The following FSTL4 variants were observed in gnomAD, a reference collection of about 807,000 sequenced individuals.
The protein encoded by FSTL4 is follistatin-related protein 4.
A neutral mutation model predicts 78.2 loss-of-function variants in FSTL4; 28 were observed. The observed-to-expected ratio is 0.36, with a 90% confidence interval of 0.27 to 0.49. The LOEUF (loss-of-function observed/expected upper bound fraction) is 0.49. FSTL4 is among the 20% of genes least tolerant of loss of function. FSTL4 has a pLI of 0.98. For missense variants in FSTL4, 922 were observed against 1,084.9 expected, an observed-to-expected ratio of 0.85 and a Z score of 2.11; for synonymous variants, 422 against 440.5, an observed-to-expected ratio of 0.96 and a Z score of 0.53.
At chr5:133,447,664 C>T (rs1197201843) in intron 3 of FSTL4, among the ~76,000 whole-genome samples, 3 of 152,286 alleles carry the variant, frequency 2.0e-5, no homozygotes, top group South Asian at 4.1e-4. Context: ...CTCAGCCTCC[C>T]AAGTAGCTGG....
chr5:133,381,013 A>C (rs1755554455), intron 4 of FSTL4, among the ~76,000 whole-genome samples: 1 of 152,234 alleles, frequency 6.6e-6, no homozygotes, highest in Non-Finnish European at 1.5e-5. Flanking sequence ...TTTGTCAAAA[A>C]GGGGTTTTAT....
chr5:133,438,819 A>ACT (rs1757089790), intron 3 of FSTL4, among the ~76,000 whole-genome samples: 1 of 152,222 alleles, frequency 6.6e-6, no homozygotes, highest in African/African-American at 2.4e-5. Flanking sequence ...CCTTTGGGGA[A>ACT]GGTCTGAGGA....
chr5:133,233,307 G>A, intron 8 of FSTL4, 110 bp downstream of exon 8: 1 of 1,167,134 alleles, frequency 8.6e-7, no homozygotes, highest in African/African-American at 1.5e-5. Flanking sequence ...ATATATTTTG[G>A]GGTTAGATAT....
intron 3 of FSTL4, among the ~76,000 whole-genome samples, chr5:133,425,012 G>A (rs191300140): frequency 2.6e-5 from 4 of 152,212 alleles, no homozygotes; most frequent in East Asian, 3.9e-4. Context: ...TTTCTTATGC[G>A]CATCAGACTG....
chr5:133,498,845 T>C (rs893673127), intron 3 of FSTL4, among the ~76,000 whole-genome samples: 2 of 151,986 alleles, frequency 1.3e-5, no homozygotes, highest in African/African-American at 4.8e-5. Flanking sequence ...TCACTTTTTA[T>C]TGAGCACCTG....
the FSTL4 span, among the ~76,000 whole-genome samples, chr5:133,679,378 G>A: frequency 6.6e-6 from 1 of 152,186 alleles, no homozygotes; most frequent in Non-Finnish European, 1.5e-5. Flanking sequence ...AGCCTTGAAA[G>A]AAACCTTTCT....
chr5:133,328,583 G>C (rs890212154), intron 4 of FSTL4, among the ~76,000 whole-genome samples: 6 of 152,146 alleles, frequency 3.9e-5, no homozygotes, highest in African/African-American at 1.4e-4. Flanking sequence ...TGTGTTAGTG[G>C]AAAACCTCCA....
chr5:133,440,938 G>A lies in FSTL4; in HGVS notation c.161-39952C>T, dbSNP rs933201092. On this transcript the variant is annotated intron_variant, in intron 3 of 15. Transcript: ENST00000265342. The surrounding 1 kb of genome is among the most constrained non-coding windows in gnomAD (Gnocchi z 4.1). Reference sequence around the variant, plus strand: ...GGGTCAGGGCCAGCCCTGCTCCTGAGGATAGTCAGAAAAAGGAAGAAAACA... The same window carrying A: ...GGGTCAGGGCCAGCCCTGCTCCTGAAGATAGTCAGAAAAAGGAAGAAAACA... Among the ~76,000 whole-genome samples the A allele has an allele frequency of 6.6e-6, 1 of 152,154 alleles. No individual in the cohort carries two copies. The highest frequency in any genetic ancestry group is 2.4e-5 in the African/African-American group (1 of 41,426).
the FSTL4 span, among the ~76,000 whole-genome samples, chr5:133,768,138 G>A: frequency 1.3e-5 from 2 of 152,148 alleles, no homozygotes; most frequent in African/African-American, 4.8e-5. Context: ...CCTACACGAA[G>A]GTATTCCTCC....
chr5:133,553,305 T>C (rs111470956), intron 3 of FSTL4, among the ~76,000 whole-genome samples: 2 of 152,208 alleles, frequency 1.3e-5, no homozygotes, highest in African/African-American at 2.4e-5. Flanking sequence ...CTCCACATGT[T>C]CCCCTCCCAT....
At chr5:133,222,386 A>G (rs1751166939) in intron 11 of FSTL4, among the ~76,000 whole-genome samples, 1 of 152,140 alleles carries the variant, frequency 6.6e-6, no homozygotes, top group Non-Finnish European at 1.5e-5. Context: ...ACTCCAGCAC[A>G]CACCTGCCCT....
At chr5:133,574,319 A>G (rs1284859562) in intron 2 of FSTL4, among the ~76,000 whole-genome samples, 2 of 152,234 alleles carry the variant, frequency 1.3e-5, no homozygotes, top group African/African-American at 4.8e-5. Flanking sequence ...AAATGTTTAC[A>G]AGGATATGAA....
Position 133,344,099 on chromosome 5 carries a change from G to T in FSTL4, c.410-27447C>A, listed in dbSNP as rs115851560. Among the ~76,000 whole-genome samples the T allele has an allele frequency of 5.6e-3, 848 of 152,260 alleles. 5 individuals are homozygous for T. The highest frequency in any genetic ancestry group is 0.02 in the African/African-American group (811 of 41,548). ...AAAGGCACAGAACAGAAAAGGCAGTGAATTCTTATAGGCCTGAGACAGCCT... is the reference window on the plus strand; with the variant it reads ...AAAGGCACAGAACAGAAAAGGCAGTTAATTCTTATAGGCCTGAGACAGCCT... On this transcript the variant is annotated intron_variant, in intron 4 of 15. Coordinates refer to ENST00000265342, the MANE Select transcript of FSTL4 (RefSeq NM_015082.2).
chr5:133,542,357 T>G (rs1160578028), intron 3 of FSTL4, among the ~76,000 whole-genome samples: 1 of 152,220 alleles, frequency 6.6e-6, no homozygotes, highest in Non-Finnish European at 1.5e-5. Flanking sequence ...TATCTTTTAT[T>G]AATAGACTGC....
chr5:133,357,995 C>A (rs550068612), intron 4 of FSTL4, among the ~76,000 whole-genome samples: 1 of 152,336 alleles, frequency 6.6e-6, no homozygotes, highest in Non-Finnish European at 1.5e-5. Flanking sequence ...TCCAGCCATG[C>A]TAGCCAGTCT....
the FSTL4 span, among the ~76,000 whole-genome samples, chr5:133,682,619 G>T: frequency 1.3e-5 from 2 of 152,212 alleles, no homozygotes; most frequent in African/African-American, 4.8e-5. Context: ...CCCAATTTGT[G>T]CACCATTTGT....
chr5:133,292,966 C>T (rs188725340), intron 6 of FSTL4, among the ~76,000 whole-genome samples: 356 of 152,312 alleles, frequency 2.3e-3, no homozygotes, highest in Non-Finnish European at 4.1e-3. Flanking sequence ...TGAGAGATAA[C>T]AATGTTGGGT....
intron 4 of FSTL4, among the ~76,000 whole-genome samples, chr5:133,387,198 C>A (rs1016212523): frequency 1.3e-5 from 2 of 152,200 alleles, no homozygotes; most frequent in African/African-American, 4.8e-5. Context: ...CACTCCCTGA[C>A]AAATATCTCT....
intron 4 of FSTL4, among the ~76,000 whole-genome samples, chr5:133,366,558 C>T (rs943693469): frequency 6.6e-6 from 1 of 152,036 alleles, no homozygotes; most frequent in African/African-American, 2.4e-5. Context: ...GTAACTCTGA[C>T]TCCTCTCTGG....
Sources: gnomAD v4.1 joint callset for allele counts (sites outside exome capture counted in the v4.1 genomes callset) on GRCh38, gnomAD v4.1.1 for gene constraint, Gnocchi (gnomAD v3.1) non-coding constraint, MANE v1.5 for transcripts, NCBI Gene and HGNC (gene_info 2026-07-23, HGNC 2026-07-21) for gene names.